Variants in CAMK2D observed in about 807,000 individuals in gnomAD.
CAMK2D encodes calcium/calmodulin-dependent protein kinase type II subunit delta.
In CAMK2D, 37 loss-of-function variants were observed where a neutral mutation model predicts 84.0. The observed-to-expected ratio is 0.44, with a 90% confidence interval of 0.34 to 0.58. CAMK2D has a LOEUF of 0.58. CAMK2D is among the 20% of genes least tolerant of loss of function. The pLI is 0.02. For missense variants in CAMK2D, 448 were observed against 652.5 expected, an observed-to-expected ratio of 0.69 and a Z score of 3.41; for synonymous variants, 202 against 212.5, an observed-to-expected ratio of 0.95 and a Z score of 0.43.
At chr4:113,565,403 C>A (rs1472677862) in intron 4 of CAMK2D, among the ~76,000 whole-genome samples, 2 of 152,152 alleles carry the variant, frequency 1.3e-5, no homozygotes, top group African/African-American at 4.8e-5. Flanking sequence ...GTAATCCCAG[C>A]ACTTTGGGAG....
intron 2 of CAMK2D, among the ~76,000 whole-genome samples, chr4:113,699,935 T>C (rs1192623634): frequency 6.6e-6 from 1 of 152,214 alleles, no homozygotes; most frequent in Non-Finnish European, 1.5e-5. Context: ...AAGATAGTTC[T>C]ACTACTTGTT....
At chr4:113,669,656 CTCTG>C (rs1019583847) in intron 2 of CAMK2D, among the ~76,000 whole-genome samples, 1 of 152,144 alleles carries the variant, frequency 6.6e-6, no homozygotes, top group East Asian at 1.9e-4. Flanking sequence ...ACGAGAGTGC[CTCTG>C]TCTGTCTGTC....
intron 3 of CAMK2D, among the ~76,000 whole-genome samples, chr4:113,633,058 A>G (rs1445872916): frequency 6.6e-6 from 1 of 152,246 alleles, no homozygotes. Flanking sequence ...ACATAAAGCT[A>G]TAAAGTAAAT....
chr4:113,584,271 C>T (rs2098823948), intron 4 of CAMK2D, among the ~76,000 whole-genome samples: 1 of 152,086 alleles, frequency 6.6e-6, no homozygotes, highest in African/African-American at 2.4e-5. Context: ...AGTGTGAGAG[C>T]TCTTGGGGTG....
chr4:113,646,149 TAAAC>T (rs767328545), intron 3 of CAMK2D, among the ~76,000 whole-genome samples: 33 of 152,176 alleles, frequency 2.2e-4, no homozygotes, highest in Non-Finnish European at 4.4e-4. Context: ...CAGATGAACT[TAAAC>T]AAAACAGCTG....
At chr4:113,618,001 T>C (rs1215915383) in intron 3 of CAMK2D, among the ~76,000 whole-genome samples, 4 of 152,292 alleles carry the variant, frequency 2.6e-5, no homozygotes, top group African/African-American at 9.6e-5. Context: ...TTTTATACTC[T>C]AGCTCACAGT....
rs1330648861 is a variant in CAMK2D at position 113,451,721 on chromosome 4, A to G, written c.*2824T>C. On this transcript the variant is annotated 3_prime_UTR_variant, in exon 21 of 21. Transcript: ENST00000511664. Reference sequence around the variant, plus strand: ...AATGATGAATACACAGTTCTTGCCCATGGAGACATTATACTGCAGTAGAGG... The same window carrying G: ...AATGATGAATACACAGTTCTTGCCCGTGGAGACATTATACTGCAGTAGAGG... 1 of 152,202 alleles carries G rather than the reference A, an allele frequency of 6.6e-6. No individual in the cohort carries two copies. The highest frequency in any genetic ancestry group is 1.5e-5 in the Non-Finnish European group (1 of 68,040). The allele number at this position is 152,202 out of a possible 1,614,324, so 9.4% of individuals were successfully genotyped here.
rs1352965218 is a variant in CAMK2D at position 113,452,218 on chromosome 4, T to G, written c.*2327A>C. On this transcript the variant is annotated 3_prime_UTR_variant, in exon 21 of 21. Coordinates refer to ENST00000511664, the MANE Select transcript of CAMK2D (RefSeq NM_001321571.2). ...GCTTTTAGGAGTCTTAGTTGTTAAC[T>G]ATATTGTTCTCAGCAACATTTTCCC... The G allele has an allele frequency of 6.6e-6, 1 of 151,736 alleles. No homozygotes were observed. The highest frequency in any genetic ancestry group is 2.4e-5 in the African/African-American group (1 of 41,350). The allele number at this position is 151,736 out of a possible 1,614,324, so 9.4% of individuals were successfully genotyped here. A position where few individuals can be genotyped will look rare whatever the true frequency, so the allele number is the denominator to read the frequency against.
intron 16 of CAMK2D, among the ~76,000 whole-genome samples, chr4:113,483,135 C>A (rs893300860): frequency 6.6e-6 from 1 of 152,144 alleles, no homozygotes; most frequent in African/African-American, 2.4e-5. Flanking sequence ...TAGCTATTCA[C>A]TGGAATGGGA....
At chr4:113,522,480 G>A (rs1360628246) in intron 8 of CAMK2D, among the ~76,000 whole-genome samples, 1 of 152,158 alleles carries the variant, frequency 6.6e-6, no homozygotes, top group Non-Finnish European at 1.5e-5. Flanking sequence ...CCAATGAAGG[G>A]CAGAACAAAG....
intron 8 of CAMK2D, among the ~76,000 whole-genome samples, chr4:113,518,959 G>GA (rs145595734): frequency 1.6e-4 from 23 of 146,324 alleles, no homozygotes; most frequent in East Asian, 8.0e-4. Flanking sequence ...CATTCTTAAG[G>GA]AAAAAAAAAA....
In CAMK2D at chr4:113,509,617, AG is replaced by A; in HGVS notation, c.984+20del. 6.6e-7 allele frequency: 1 copy of A among 1,514,316 alleles called. No homozygotes were observed. Among genetic ancestry groups the A allele is most frequent in the Non-Finnish European group, 9.2e-7 (1 of 1,089,016 alleles). 93.8% of individuals were successfully genotyped at this position (1,514,316 alleles called of 1,614,324 possible). A position where few individuals can be genotyped will look rare whatever the true frequency, so the allele number is the denominator to read the frequency against. Reference sequence around the variant, plus strand: ...AGCATCTGAAAGTCAGAAATGGATTAGGGGCATCTGTTTAACTTACCTTTAC... The same window carrying A: ...AGCATCTGAAAGTCAGAAATGGATTAGGGCATCTGTTTAACTTACCTTTAC... On this transcript the variant is annotated intron_variant, in intron 13 of 20. Transcript: ENST00000511664.
intron 2 of CAMK2D, among the ~76,000 whole-genome samples, chr4:113,703,263 T>C (rs1038929896): frequency 2.6e-5 from 4 of 152,182 alleles, no homozygotes; most frequent in Admixed American, 2.0e-4. Flanking sequence ...GGTATATTAG[T>C]GGTGTAGAGA....
At position 113,587,347 on chromosome 4, in the gene CAMK2D, C is replaced by G. The variant is rs987589624; in HGVS notation, c.275+21805G>C. ...TCAAAATGACTTTCAAGTAATTTCA[C>G]ATGCTGATAAAGGCAATTCAGTAAC... is the stretch of plus-strand genomic sequence containing the variant. On this transcript the variant is annotated intron_variant, in intron 4 of 20. Transcript: ENST00000511664. 2.0e-5 allele frequency among the ~76,000 whole-genome samples: 3 copies of G among 152,172 alleles called. No homozygotes were observed. In the South Asian group the frequency reaches 6.2e-4, roughly 31 times the overall value.
intron 4 of CAMK2D, among the ~76,000 whole-genome samples, chr4:113,603,744 A>G (rs952865542): frequency 7.0e-6 from 1 of 143,634 alleles, no homozygotes; most frequent in Non-Finnish European, 1.5e-5. Flanking sequence ...ATTTCTTTAT[A>G]TATATCTTTC....
At chr4:113,558,416 A>G (rs2098680292) in intron 4 of CAMK2D, among the ~76,000 whole-genome samples, 1 of 152,238 alleles carries the variant, frequency 6.6e-6, no homozygotes, top group African/African-American at 2.4e-5. Flanking sequence ...TCATTAAATT[A>G]TATATGCAGT....
intron 17 of CAMK2D, among the ~76,000 whole-genome samples, chr4:113,460,644 T>C (rs2097361740): frequency 6.6e-6 from 1 of 151,616 alleles, no homozygotes. Context: ...TATAAAACTA[T>C]CTTTGATTCT....
chr4:113,457,537 G>A lies in CAMK2D; in HGVS notation c.1333C>T (p.His445Tyr), dbSNP rs1370316745. The change falls in exon 19 of 21, where the codon CAC (histidine) becomes TAC (tyrosine). Residue 445 changes from histidine (H) to tyrosine (Y), a missense_variant. His to Tyr is a moderately conservative substitution (Grantham distance 83). Around this residue, in one of 7 missense-constraint regions of CAMK2D, gnomAD observed 219 missense variants for 272.1 expected, o/e 0.80. Coordinates refer to ENST00000511664, the MANE Select transcript of CAMK2D (RefSeq NM_001321571.2). The stretch of plus-strand genomic sequence containing the variant: ...ACATGAGGGTTTAGAATAATAGTGT[G>A]GATTGGTTTATTGCTTTTGGACAAA... ...NALSKSNKPI[H>Y]TIILNPHVHL... is the part of the protein sequence containing the mutation. 1 of 1,613,242 alleles carries A rather than the reference G, an allele frequency of 6.2e-7. No individual in the cohort carries two copies. The highest frequency in any genetic ancestry group is 8.5e-7 in the Non-Finnish European group (1 of 1,179,504).
chr4:113,591,931 A>T (rs1043750502), intron 4 of CAMK2D, among the ~76,000 whole-genome samples: 1 of 152,056 alleles, frequency 6.6e-6, no homozygotes, highest in African/African-American at 2.4e-5. Flanking sequence ...ACCACAGTTT[A>T]TGGTTTCTTG....
Sources: gnomAD v4.1 joint callset for allele counts (sites outside exome capture counted in the v4.1 genomes callset) on GRCh38, gnomAD v4.1.1 for gene constraint, gnomAD v4.1.1 regional missense constraint, MANE v1.5 for transcripts, NCBI Gene and HGNC (gene_info 2026-07-23, HGNC 2026-07-21) for gene names.